SLC2A13: variants seen among roughly 807,000 people sequenced by gnomAD.
The protein encoded by SLC2A13 is solute carrier family 2 member 13.
Under a neutral mutation model 64.4 loss-of-function variants are expected in SLC2A13, and 32 were observed. That is an observed-to-expected ratio of 0.50 (90% CI 0.37 to 0.67). SLC2A13 has a LOEUF of 0.67. Among genes scored for constraint, SLC2A13 ranks in the 30% least tolerant of loss-of-function variants. The pLI is 0.00. For synonymous variants in SLC2A13, 338 were observed against 327.1 expected (o/e 1.03, Z -0.36); for missense variants, 743 against 829.2 (o/e 0.90, Z 1.28).
At chr12:39,929,334 C>T (rs563017544) in intron 4 of SLC2A13, among the ~76,000 whole-genome samples, 20 of 152,010 alleles carry the variant, frequency 1.3e-4, no homozygotes, top group African/African-American at 3.1e-4. Flanking sequence ...GGGTGGATCA[C>T]GACGTCAGGA....
At chr12:40,100,821 G>C (rs1398039245) in intron 1 of SLC2A13, among the ~76,000 whole-genome samples, 1 of 151,838 alleles carries the variant, frequency 6.6e-6, no homozygotes, top group Non-Finnish European at 1.5e-5. Flanking sequence ...AAAATTAGCT[G>C]GGTGTGGTGG....
At chr12:39,964,602 G>A (rs28370706) in intron 3 of SLC2A13, among the ~76,000 whole-genome samples, 1,658 of 152,284 alleles carry the variant, frequency 0.011, 22 homozygotes, top group African/African-American at 0.037. Flanking sequence ...TCTTTACCAT[G>A]TCGGGAACAT....
chr12:39,977,932 C>A (rs74751235), intron 3 of SLC2A13, among the ~76,000 whole-genome samples: 5,733 of 152,292 alleles, frequency 0.038, 215 homozygotes, highest in Admixed American at 0.12. Flanking sequence ...TCCCTCCTAT[C>A]TAAATTATTA....
intron 1 of SLC2A13, among the ~76,000 whole-genome samples, chr12:40,086,280 A>C (rs1472500751): frequency 1.3e-5 from 2 of 152,106 alleles, no homozygotes; most frequent in African/African-American, 4.8e-5. Context: ...TTTTAATCCC[A>C]CTACTCCCCA....
At chr12:39,948,937 A>G (rs1946184256) in intron 4 of SLC2A13, among the ~76,000 whole-genome samples, 1 of 152,208 alleles carries the variant, frequency 6.6e-6, no homozygotes, top group Admixed American at 6.5e-5. Flanking sequence ...ATTATTTTAA[A>G]TCAGAAACAA....
intron 2 of SLC2A13, among the ~76,000 whole-genome samples, chr12:40,030,450 TC>T (rs1356627316): frequency 2.6e-5 from 4 of 152,218 alleles, no homozygotes; most frequent in Admixed American, 2.6e-4. Flanking sequence ...AAGGGATTTT[TC>T]AAGGTAGACC....
intron 7 of SLC2A13, among the ~76,000 whole-genome samples, chr12:39,814,876 T>C (rs76458527): frequency 0.029 from 4,351 of 152,302 alleles, 205 homozygotes; most frequent in African/African-American, 0.097. Flanking sequence ...ATCAATCGCT[T>C]TATCCTCTTA....
At chr12:39,773,752 G>A (rs1940670005) in intron 7 of SLC2A13, among the ~76,000 whole-genome samples, 1 of 152,148 alleles carries the variant, frequency 6.6e-6, no homozygotes, top group Non-Finnish European at 1.5e-5. Context: ...TATGACCTGT[G>A]TATAAAAACC....
rs1024608033 is a variant in SLC2A13 at position 40,105,050 on chromosome 12, C to G, written c.556+203G>C. On this transcript the variant is annotated intron_variant, in intron 1 of 9. Transcript: ENST00000280871. This position sits in a 1 kb window ranked among gnomAD's most constrained non-coding sequence, Gnocchi z 4.2. The stretch of plus-strand genomic sequence containing the variant: ...CTCGAGGGAGACTAGAGTGACACCC[C>G]CTCCCCCCCGACCCTCCCACCTCCC... Among the ~76,000 whole-genome samples the G allele has an allele frequency of 6.6e-6, 1 of 152,118 alleles. No individual in the cohort carries two copies. The highest frequency in any genetic ancestry group is 2.4e-5 in the African/African-American group (1 of 41,412).
chr12:39,904,342 CTCT>C (rs1488851788), intron 4 of SLC2A13, among the ~76,000 whole-genome samples: 1 of 152,136 alleles, frequency 6.6e-6, no homozygotes, highest in African/African-American at 2.4e-5. Flanking sequence ...CAGTGAACCA[CTCT>C]TGCCATTTAG....
chr12:39,877,071 A>G (rs1944202522), intron 4 of SLC2A13, among the ~76,000 whole-genome samples: 1 of 152,204 alleles, frequency 6.6e-6, no homozygotes. Flanking sequence ...CCATTACATT[A>G]AAAGAGGTTC....
At chr12:39,962,385 C>T (rs544614602) in intron 3 of SLC2A13, among the ~76,000 whole-genome samples, 11 of 152,342 alleles carry the variant, frequency 7.2e-5, no homozygotes, top group South Asian at 4.1e-4. Context: ...GCCACCATGC[C>T]CAGCCATGGG....
intron 3 of SLC2A13, among the ~76,000 whole-genome samples, chr12:39,959,188 G>A (rs1379470923): frequency 3.9e-5 from 6 of 152,060 alleles, no homozygotes; most frequent in Non-Finnish European, 8.8e-5. Context: ...GCACACCCAC[G>A]CTGTTTTCCT....
intron 3 of SLC2A13, among the ~76,000 whole-genome samples, chr12:40,022,222 A>G (rs1947731711): frequency 1.3e-5 from 2 of 152,214 alleles, no homozygotes. Flanking sequence ...GGCAAAGCCA[A>G]CGTTCACCCA....
At chr12:40,034,995 A>G (rs1484860767) in intron 2 of SLC2A13, among the ~76,000 whole-genome samples, 1 of 152,200 alleles carries the variant, frequency 6.6e-6, no homozygotes. Context: ...GGAACTTTCC[A>G]ATGATAAACA....
intron 3 of SLC2A13, among the ~76,000 whole-genome samples, chr12:39,962,280 AG>A (rs1946427861): frequency 6.6e-6 from 1 of 151,886 alleles, no homozygotes; most frequent in Admixed American, 6.6e-5. Flanking sequence ...TAGTAGAGAC[AG>A]GGTTTCACCA....
At chr12:39,784,009 A>G (rs891825339) in intron 7 of SLC2A13, among the ~76,000 whole-genome samples, 2 of 152,208 alleles carry the variant, frequency 1.3e-5, no homozygotes, top group South Asian at 2.1e-4. Flanking sequence ...CTAGGAATCC[A>G]GCTTACAAGG....
intron 2 of SLC2A13, among the ~76,000 whole-genome samples, chr12:40,035,641 G>A (rs901287726): frequency 7.9e-5 from 12 of 152,220 alleles, no homozygotes; most frequent in African/African-American, 2.6e-4. Flanking sequence ...TATATGATCC[G>A]CAAATGATCA....
In SLC2A13 at chr12:39,951,363, C is replaced by A; in HGVS notation, c.928G>T (p.Gly310Ter). 1 of 1,550,668 alleles carries A rather than the reference C, an allele frequency of 6.4e-7. No homozygotes were observed. The stretch of plus-strand genomic sequence containing the variant: ...CTCAGCATTCTGCAGATCACAGGTC[C>A]AGCTTTTTTAAGAAAGAAAGAAAAA... ...EEEEKEVGSA[G>*]PVICRMLSYP... is the part of the protein sequence containing the mutation. Residue 310 changes from glycine (G) to a stop codon, truncating the protein, a stop_gained and splice_region_variant, in exon 4 of 10, where the codon GGA (glycine) becomes TGA (stop). Coordinates refer to ENST00000280871, the MANE Select transcript of SLC2A13 (RefSeq NM_052885.4). LOFTEE classifies it high-confidence loss of function.
Sources: allele counts gnomAD v4.1 joint callset (sites outside exome capture counted in the v4.1 genomes callset), GRCh38; gene constraint gnomAD v4.1.1; non-coding constraint Gnocchi (gnomAD v3.1); transcripts MANE v1.5; gene names NCBI Gene and HGNC (gene_info 2026-07-23, HGNC 2026-07-21).